PPP4R3B: variants seen among roughly 807,000 people sequenced by gnomAD.
PPP4R3B encodes the protein protein phosphatase 4 regulatory subunit 3B, also known as serine/threonine-protein phosphatase 4 regulatory subunit 3B.
PPP4R3B carries 52 observed loss-of-function variants against 95.4 expected under a neutral mutation model. The ratio of observed to expected loss-of-function variants is 0.54; its 90% CI spans 0.44 to 0.69. The LOEUF (loss-of-function observed/expected upper bound fraction) is 0.69, where lower values mean the gene tolerates loss of function less well. Ranked by LOEUF, PPP4R3B falls within the 30% of genes least tolerant of loss-of-function variation. PPP4R3B has a pLI of 0.00. For missense variants in PPP4R3B, 1,003 were observed against 1,005.9 expected, an observed-to-expected ratio of 1.00 and a Z score of 0.04; for synonymous variants, 407 against 343.9, an observed-to-expected ratio of 1.18 and a Z score of -2.03.
At position 55,586,617 on chromosome 2, in the gene PPP4R3B, C is replaced by T. The variant is rs1301464854; in HGVS notation, c.1116+1G>A. ...AACATGAAAAGAAACGGCATAATTACCATTACAATTTCAAGAGCAGGAAGA... is the reference window on the plus strand; with the variant it reads ...AACATGAAAAGAAACGGCATAATTATCATTACAATTTCAAGAGCAGGAAGA... On this transcript the variant is annotated splice_donor_variant, in intron 6 of 16. Coordinates refer to ENST00000616407, the MANE Select transcript of PPP4R3B (RefSeq NM_001122964.3). LOFTEE classifies it high-confidence loss of function. The T allele has an allele frequency of 1.3e-6, 2 of 1,558,366 alleles. No homozygotes were observed. The highest frequency in any genetic ancestry group is 1.8e-6 in the Non-Finnish European group (2 of 1,137,862).
chr2:55,588,751 A>G (rs1451376305), intron 5 of PPP4R3B, 128 bp downstream of exon 5: 1 of 562,414 alleles, frequency 1.8e-6, no homozygotes, highest in Non-Finnish European at 3.1e-6. Context: ...AGTTCAATTT[A>G]AATACATACT....
At chr2:55,601,506 A>G (rs926102054) in intron 3 of PPP4R3B, among the ~76,000 whole-genome samples, 24 of 151,652 alleles carry the variant, frequency 1.6e-4, no homozygotes, top group African/African-American at 5.8e-4. Flanking sequence ...TCAGCCTCCC[A>G]AGTAGCTGGG....
chr2:55,564,547 C>G, intron 14 of PPP4R3B, 50 bp from the exon 15 acceptor site: 1 of 1,475,698 alleles, frequency 6.8e-7, no homozygotes, highest in Non-Finnish European at 9.1e-7. Context: ...AGTTCATCAT[C>G]AGATTGAACT....
At chr2:55,597,288 A>G (rs556449650) in intron 4 of PPP4R3B, among the ~76,000 whole-genome samples, 3 of 152,196 alleles carry the variant, frequency 2.0e-5, no homozygotes, top group Admixed American at 2.0e-4. Flanking sequence ...GGAGTTCGAG[A>G]CCAGCCTGAC....
chr2:55,610,921 G>A (rs868140838), intron 2 of PPP4R3B, among the ~76,000 whole-genome samples: 3 of 148,290 alleles, frequency 2.0e-5, no homozygotes, highest in African/African-American at 5.0e-5. Flanking sequence ...GCTGGAGTGC[G>A]GTAGCACAGT....
intron 3 of PPP4R3B, among the ~76,000 whole-genome samples, chr2:55,603,242 C>G (rs1188982642): frequency 6.6e-6 from 1 of 152,116 alleles, no homozygotes; most frequent in Non-Finnish European, 1.5e-5. Flanking sequence ...CGTGAGTAAC[C>G]GCGTCCGGAT....
At chr2:55,595,130 TCTCC>T (rs1485680416) in intron 4 of PPP4R3B, among the ~76,000 whole-genome samples, 1 of 151,874 alleles carries the variant, frequency 6.6e-6, no homozygotes, top group Non-Finnish European at 1.5e-5. Context: ...TTCAAGCAAT[TCTCC>T]CACTTCAGCT....
At chr2:55,558,647 T>C in intron 16 of PPP4R3B, 128 bp downstream of exon 16, 1 of 676,674 alleles carries the variant, frequency 1.5e-6, no homozygotes. Context: ...ACAATCAACA[T>C]TTTGGTAACA....
At chr2:55,589,759 C>CA (rs1268897958) in intron 4 of PPP4R3B, among the ~76,000 whole-genome samples, 1 of 150,402 alleles carries the variant, frequency 6.6e-6, no homozygotes, top group East Asian at 2.0e-4. Flanking sequence ...ACTAAAAATA[C>CA]AAAAAAATTA....
intron 2 of PPP4R3B, among the ~76,000 whole-genome samples, chr2:55,612,962 T>C (rs890809556): frequency 6.8e-6 from 1 of 147,284 alleles, no homozygotes; most frequent in African/African-American, 2.5e-5. Flanking sequence ...AAAAAAAAAA[T>C]TAGTCAAGCA....
At chr2:55,555,169 A>C (rs1365674042) in intron 16 of PPP4R3B, among the ~76,000 whole-genome samples, 2 of 151,086 alleles carry the variant, frequency 1.3e-5, no homozygotes, top group Non-Finnish European at 2.9e-5. Flanking sequence ...AGTCCCAGCT[A>C]CTCAGGAGGC....
At chr2:55,574,625 G>C (rs891541634) in intron 11 of PPP4R3B, among the ~76,000 whole-genome samples, 2 of 147,870 alleles carry the variant, frequency 1.4e-5, no homozygotes, top group African/African-American at 5.0e-5. Flanking sequence ...ACAGAGTCTT[G>C]CTCTGTCGCC....
intron 13 of PPP4R3B, chr2:55,565,868 AAC>A (rs1687229254): frequency 6.5e-6 from 1 of 153,758 alleles, no homozygotes; most frequent in Admixed American, 6.5e-5. Flanking sequence ...AAGAAAAAAC[AAC>A]AGAGGACACG....
intron 2 of PPP4R3B, among the ~76,000 whole-genome samples, chr2:55,607,393 C>A (rs947733090): frequency 6.6e-6 from 1 of 152,308 alleles, no homozygotes; most frequent in East Asian, 1.9e-4. Context: ...TCCAACCAAA[C>A]GGCTATAAAT....
At chr2:55,564,260 A>C in intron 15 of PPP4R3B, 53 bp downstream of exon 15, 1 of 1,432,004 alleles carries the variant, frequency 7.0e-7, no homozygotes, top group South Asian at 1.5e-5. Context: ...CAACAAAATA[A>C]TTTCTGCACT....
Position 55,581,704 on chromosome 2 carries a change from G to A in PPP4R3B, c.1234-6C>T. On this transcript the variant is annotated splice_polypyrimidine_tract_variant and splice_region_variant and intron_variant, in intron 7 of 16. Transcript: ENST00000616407. ...ACATTAATAAGAAGAATATCCTGGTGGCAAAACAAAACAAAACAAAACATG... is the reference window on the plus strand; with the variant it reads ...ACATTAATAAGAAGAATATCCTGGTAGCAAAACAAAACAAAACAAAACATG... The A allele has an allele frequency of 1.2e-6, 2 of 1,608,086 alleles. No individual in the cohort carries two copies. The highest frequency in any genetic ancestry group is 2.2e-5 in the East Asian group (1 of 44,634).
chr2:55,558,782 G>A lies in PPP4R3B; in HGVS notation c.2447C>T (p.Ala816Val). 6.2e-7 allele frequency: 1 copy of A among 1,604,906 alleles called. No individual in the cohort carries two copies. Among genetic ancestry groups the A allele is most frequent in the African/African-American group, 1.3e-5 (1 of 74,796 alleles). ...TAATGCTGTTTCACCTACCTTGGTG[G>A]CTGTTACTGACGTAGGCAAGTTTGT... is the stretch of plus-strand genomic sequence containing the variant. ...KTTNLPTSVTATKGSLVGLVD... is the reference protein window; with the variant it reads ...KTTNLPTSVTVTKGSLVGLVD... Residue 816 changes from alanine to valine, a missense_variant, in exon 16 of 17, where the codon GCC (alanine) becomes GTC (valine). This residue lies in a region of PPP4R3B where 229 missense variants were observed against 194.7 expected (regional missense o/e 1.18). Coordinates refer to ENST00000616407, the MANE Select transcript of PPP4R3B (RefSeq NM_001122964.3).
chr2:55,560,824 C>T (rs529655644), intron 15 of PPP4R3B, among the ~76,000 whole-genome samples: 7 of 138,336 alleles, frequency 5.1e-5, no homozygotes, highest in Non-Finnish European at 9.2e-5. Context: ...GGCCTTCTGG[C>T]GGTTTCTAAA....
intron 3 of PPP4R3B, among the ~76,000 whole-genome samples, chr2:55,599,526 T>A (rs912168493): frequency 4.6e-5 from 7 of 152,230 alleles, no homozygotes; most frequent in Admixed American, 1.3e-4. Context: ...CTCTCATGAG[T>A]AGGGCCCCTT....
Sources: gnomAD v4.1 joint callset for allele counts (sites outside exome capture counted in the v4.1 genomes callset) on GRCh38, gnomAD v4.1.1 for gene constraint, gnomAD v4.1.1 regional missense constraint, MANE v1.5 for transcripts, NCBI Gene and HGNC (gene_info 2026-07-23, HGNC 2026-07-21) for gene names.